MLXIPL: variants seen among roughly 807,000 people sequenced by gnomAD.
MLXIPL encodes MLX interacting protein like.
In MLXIPL, 49 loss-of-function variants were observed where a neutral mutation model predicts 81.5. The ratio of observed to expected loss-of-function variants is 0.60; its 90% CI spans 0.48 to 0.76. The LOEUF (loss-of-function observed/expected upper bound fraction) is 0.76. Among genes scored for constraint, MLXIPL ranks in the 30% least tolerant of loss-of-function variants. The probability of loss-of-function intolerance (pLI) is 0.00; values close to 1 mark genes in which losing one functional copy is unlikely to be tolerated. For synonymous variants in MLXIPL, 466 were observed against 485.5 expected, an observed-to-expected ratio of 0.96 and a Z score of 0.53; for missense variants, 1,053 against 1,167.0, an observed-to-expected ratio of 0.90 and a Z score of 1.42.
At position 73,597,579 on chromosome 7, in the gene MLXIPL, G is replaced by C. The variant is rs782600073; in HGVS notation, c.1206C>G (p.Ala402=). 65 of 1,338,736 alleles carry C rather than the reference G, an allele frequency of 4.9e-5. No individual in the cohort carries two copies. The highest frequency in any genetic ancestry group is 5.8e-5 in the Non-Finnish European group (60 of 1,042,840). 82.9% of individuals were successfully genotyped at this position (1,338,736 alleles called of 1,614,324 possible). A position where few individuals can be genotyped will look rare whatever the true frequency, so the allele number is the denominator to read the frequency against. Residue 402 remains alanine, a synonymous_variant, in exon 9 of 17, where the codon GCC becomes GCG. Transcript: ENST00000313375. ...PPPLLHYPPP[A]KVPGLEPCPP... is the part of the protein sequence containing the mutation. The stretch of plus-strand genomic sequence containing the variant: ...GGCAGGGCTCCAGGCCTGGCACCTT[G>C]GCAGGGGGAGGGTAATGCAGCAGAG...
intron 2 of MLXIPL, chr7:73,609,149 G>C (rs1795520364): frequency 6.6e-6 from 1 of 151,360 alleles, no homozygotes; most frequent in Admixed American, 6.6e-5. Context: ...TTTTGGTAGA[G>C]ACAGGGCCCC....
intron 2 of MLXIPL, among the ~76,000 whole-genome samples, chr7:73,612,589 TCGAGAGCACA>T (rs1270961009): frequency 6.9e-6 from 1 of 144,992 alleles, no homozygotes; most frequent in Non-Finnish European, 1.5e-5. Flanking sequence ...CTGCAGTGAG[TCGAGAGCACA>T]CCATTGCACT....
the MLXIPL span, among the ~76,000 whole-genome samples, chr7:73,631,558 C>CTTTTTTTTTTTT: frequency 7.2e-5 from 5 of 69,662 alleles, no homozygotes; most frequent in African/African-American, 1.1e-4. Context: ...GATGTTGCTA[C>CTTTTTTTTTTTT]TTTTTTTTTT....
chr7:73,642,294 T>A, the MLXIPL span, among the ~76,000 whole-genome samples: 4 of 152,220 alleles, frequency 2.6e-5, no homozygotes, highest in East Asian at 7.7e-4. Context: ...GTTCACAAAC[T>A]CAGAAGCTCC....
At position 73,596,407 on chromosome 7, in the gene MLXIPL, G is replaced by A. The variant is rs782676251; in HGVS notation, c.1895C>T (p.Pro632Leu). 1.9e-6 allele frequency: 3 copies of A among 1,612,942 alleles called. No homozygotes were observed. Among genetic ancestry groups the A allele is most frequent in the East Asian group, 4.5e-5 (2 of 44,838 alleles). Reference protein sequence around the residue: ...GPGTLSVRVSPPQPILSRGRP... With the variant: ...GPGTLSVRVSLPQPILSRGRP... Reference sequence around the variant, plus strand: ...GCCCCGGCTGAGGATGGGTTGCGGGGGAGAGACACGGACGCTCAGAGTCCC... The same window carrying A: ...GCCCCGGCTGAGGATGGGTTGCGGGAGAGAGACACGGACGCTCAGAGTCCC... The change falls in exon 12 of 17, where the codon CCC becomes CTC. Residue 632 changes from proline (P) to leucine (L), a missense_variant. Physicochemically the swap from Pro to Leu is moderately conservative, Grantham distance 98. This residue lies in a region of MLXIPL where 823 missense variants were observed against 933.0 expected (regional missense o/e 0.88). Coordinates refer to ENST00000313375, the MANE Select transcript of MLXIPL (RefSeq NM_032951.3). This position sits in a 1 kb window ranked among gnomAD's most constrained non-coding sequence, Gnocchi z 4.7.
intron 7 of MLXIPL, among the ~76,000 whole-genome samples, chr7:73,604,045 G>T (rs908168735): frequency 6.6e-6 from 1 of 151,454 alleles, no homozygotes; most frequent in Non-Finnish European, 1.5e-5. Context: ...GCAAAACCCC[G>T]TCTCTACTAA....
At chr7:73,640,905 T>C in the MLXIPL span, among the ~76,000 whole-genome samples, 1 of 152,044 alleles carries the variant, frequency 6.6e-6, no homozygotes, top group African/African-American at 2.4e-5. Context: ...TCTTTTTGAT[T>C]GACCAAACCA....
chr7:73,625,670 A>G (rs557286965), upstream of MLXIPL, among the ~76,000 whole-genome samples: 88 of 152,262 alleles, frequency 5.8e-4, no homozygotes, highest in African/African-American at 2.0e-3. Context: ...CTGAGGTGGA[A>G]GAATCACATG....
chr7:73,631,794 TC>T, the MLXIPL span, among the ~76,000 whole-genome samples: 1 of 140,412 alleles, frequency 7.1e-6, no homozygotes, highest in Middle Eastern at 3.5e-3. Context: ...TCTTCTCCCC[TC>T]CCCTCCACTC....
chr7:73,630,107 C>T, the MLXIPL span, among the ~76,000 whole-genome samples: 4 of 151,724 alleles, frequency 2.6e-5, no homozygotes, highest in African/African-American at 9.7e-5. Context: ...ACGCCATTCT[C>T]CTGCCTCAGC....
intron 7 of MLXIPL, among the ~76,000 whole-genome samples, chr7:73,604,825 C>T (rs1049867782): frequency 3.3e-5 from 5 of 152,022 alleles, no homozygotes; most frequent in Non-Finnish European, 5.9e-5. Flanking sequence ...AGTGCAGTGG[C>T]GCGATCTCGG....
the MLXIPL span, among the ~76,000 whole-genome samples, chr7:73,630,285 CTTTTTTTTTTTTT>C: frequency 1.0e-5 from 1 of 97,874 alleles, no homozygotes. Flanking sequence ...GCCAGCTTGT[CTTTTTTTTTTTTT>C]TTTTTTTTGA....
chr7:73,596,995 C>T lies in MLXIPL; in HGVS notation c.1604-63G>A, dbSNP rs943845715. 1.3e-6 allele frequency: 2 copies of T among 1,556,832 alleles called. No homozygotes were observed. Among genetic ancestry groups the T allele is most frequent in the South Asian group, 1.2e-5 (1 of 85,542 alleles). Reference sequence around the variant, plus strand: ...CCCACCCCCGGCATCTATCAAGACCCCATCCTGCCCCTCCCAAGAGTCCAC... The same window carrying T: ...CCCACCCCCGGCATCTATCAAGACCTCATCCTGCCCCTCCCAAGAGTCCAC... On this transcript the variant is annotated intron_variant, in intron 9 of 16. Transcript: ENST00000313375. This position sits in a 1 kb window ranked among gnomAD's most constrained non-coding sequence, Gnocchi z 4.7.
At chr7:73,645,700 A>C in the MLXIPL span, among the ~76,000 whole-genome samples, 2 of 152,290 alleles carry the variant, frequency 1.3e-5, no homozygotes, top group East Asian at 3.9e-4. Flanking sequence ...CCCAGGTTAC[A>C]GGTGTGCAGA....
chr7:73,642,602 C>T, the MLXIPL span, among the ~76,000 whole-genome samples: 69 of 152,310 alleles, frequency 4.5e-4, no homozygotes, highest in African/African-American at 1.3e-3. Flanking sequence ...ATGATCCACC[C>T]GCCTCAGCTT....
chr7:73,602,474 C>T (rs1351057659), intron 7 of MLXIPL, among the ~76,000 whole-genome samples: 5 of 150,978 alleles, frequency 3.3e-5, no homozygotes, highest in African/African-American at 1.2e-4. Flanking sequence ...AGTTCGAGAC[C>T]AGCCTGGCCA....
chr7:73,597,748 G>A, intron 8 of MLXIPL, 35 bp from the exon 9 acceptor site: 1 of 1,322,094 alleles, frequency 7.6e-7, no homozygotes, highest in Non-Finnish European at 9.6e-7. Context: ...TCAGAGAGCA[G>A]GGGAGAGAGC....
chr7:73,606,787 C>T (rs1795314432), intron 5 of MLXIPL, 187 bp downstream of exon 5: 1 of 677,160 alleles, frequency 1.5e-6, no homozygotes, highest in Non-Finnish European at 2.6e-6. Flanking sequence ...CTTCTCACCA[C>T]CTCACCCTCA....
chr7:73,645,352 T>C, the MLXIPL span, among the ~76,000 whole-genome samples: 1 of 152,314 alleles, frequency 6.6e-6, no homozygotes, highest in South Asian at 2.1e-4. Context: ...GTCTGTCTCT[T>C]ATTTATCAGT....
Sources: allele counts gnomAD v4.1 joint callset (sites outside exome capture counted in the v4.1 genomes callset), GRCh38; gene constraint gnomAD v4.1.1; regional missense constraint gnomAD v4.1.1; non-coding constraint Gnocchi (gnomAD v3.1); transcripts MANE v1.5; gene names NCBI Gene and HGNC (gene_info 2026-07-23, HGNC 2026-07-21).